The following DOCK2 variants were observed in gnomAD, a reference collection of about 807,000 sequenced individuals.
The protein encoded by DOCK2 is dedicator of cytokinesis 2, also known as dedicator of cytokinesis protein 2.
Under a neutral mutation model 248.9 loss-of-function variants are expected in DOCK2, and 87 were observed. The observed-to-expected ratio is 0.35, with a 90% CI of 0.29 to 0.42. The LOEUF is 0.42. Ranked by LOEUF, DOCK2 falls within the 10% of genes least tolerant of loss-of-function variation. DOCK2 has a pLI of 1.00. For missense variants in DOCK2, 1,747 were observed against 2,300.2 expected, an observed-to-expected ratio of 0.76 and a Z score of 4.92; for synonymous variants, 805 against 821.6, an observed-to-expected ratio of 0.98 and a Z score of 0.35.
At chr5:169,779,222 C>G (rs541948244) in intron 25 of DOCK2, 1 of 152,412 alleles carries the variant, frequency 6.6e-6, no homozygotes, top group South Asian at 2.1e-4. Flanking sequence ...GGAAGTGGCT[C>G]TTCTAAGGCT....
At chr5:169,980,785 C>T (rs774052875) in intron 27 of DOCK2, 1 of 152,180 alleles carries the variant, frequency 6.6e-6, no homozygotes, top group Non-Finnish European at 1.5e-5. Context: ...TAATTTCACA[C>T]ACTCACTACC....
chr5:169,844,509 G>A (rs906486998), intron 27 of DOCK2, among the ~76,000 whole-genome samples: 8 of 152,160 alleles, frequency 5.3e-5, no homozygotes, highest in South Asian at 2.1e-4. Flanking sequence ...GACAAGCAGC[G>A]GACATGCACT....
intron 33 of DOCK2, among the ~76,000 whole-genome samples, chr5:170,025,614 C>G (rs1465566154): frequency 6.6e-6 from 1 of 152,186 alleles, no homozygotes; most frequent in Non-Finnish European, 1.5e-5. Flanking sequence ...GAAGACATCT[C>G]TAAGCATGAT....
chr5:169,670,511 ATTTTGTTTTG>A (rs72367961), intron 3 of DOCK2, 21 bp from the exon 4 acceptor site: 337 of 1,605,612 alleles, frequency 2.1e-4, no homozygotes, highest in Admixed American at 6.8e-5. Context: ...TTTTTATTTT[ATTTTGTTTTG>A]TTTTGTTTTG....
chr5:169,720,880 A>T (rs1334867260), intron 22 of DOCK2, among the ~76,000 whole-genome samples: 1 of 152,080 alleles, frequency 6.6e-6, no homozygotes, highest in Non-Finnish European at 1.5e-5. Flanking sequence ...ACAGGCACGC[A>T]TCACCACACC....
chr5:169,858,734 G>T (rs1282509182), intron 27 of DOCK2, among the ~76,000 whole-genome samples: 4 of 152,232 alleles, frequency 2.6e-5, no homozygotes, highest in Non-Finnish European at 4.4e-5. Flanking sequence ...TGGGTACGGT[G>T]TCGTGCACCT....
chr5:169,944,622 A>T (rs1776374007), intron 27 of DOCK2, among the ~76,000 whole-genome samples: 1 of 152,236 alleles, frequency 6.6e-6, no homozygotes, highest in Admixed American at 6.5e-5. Context: ...TGGTTTCCTC[A>T]TCTGAGAAAT....
chr5:169,951,037 G>A (rs72828608), intron 27 of DOCK2, among the ~76,000 whole-genome samples: 2,246 of 152,266 alleles, frequency 0.015, 26 homozygotes, highest in South Asian at 0.05. Context: ...CAGCGTCACC[G>A]GTCCTGCATT....
At chr5:169,946,899 C>T (rs1022469654) in intron 27 of DOCK2, among the ~76,000 whole-genome samples, 1 of 152,122 alleles carries the variant, frequency 6.6e-6, no homozygotes, top group African/African-American at 2.4e-5. Flanking sequence ...TCTGGGGAGA[C>T]AGTGTTCCAG....
intron 26 of DOCK2, among the ~76,000 whole-genome samples, chr5:169,817,464 C>T (rs79134806): frequency 0.012 from 1,859 of 152,332 alleles, 40 homozygotes; most frequent in African/African-American, 0.042. Context: ...AAACTAACTT[C>T]GGACCTTATT....
chr5:169,952,112 T>C (rs1253561252), intron 27 of DOCK2, among the ~76,000 whole-genome samples: 2 of 152,232 alleles, frequency 1.3e-5, no homozygotes, highest in African/African-American at 4.8e-5. Context: ...ATAGAAGCTT[T>C]TCTTTGCCCC....
intron 27 of DOCK2, among the ~76,000 whole-genome samples, chr5:169,872,559 T>C (rs74729270): frequency 0.02 from 3,033 of 152,340 alleles, 103 homozygotes; most frequent in African/African-American, 0.07. Context: ...GGTTCTCTTC[T>C]TGGCATGTAT....
chr5:170,078,699 C>A (rs562430165), intron 48 of DOCK2, among the ~76,000 whole-genome samples: 1 of 152,356 alleles, frequency 6.6e-6, no homozygotes, highest in South Asian at 2.1e-4. Flanking sequence ...TTCAACCAGT[C>A]TTCTCTCCTC....
intron 25 of DOCK2, among the ~76,000 whole-genome samples, chr5:169,786,474 C>A (rs558063114): frequency 3.2e-4 from 48 of 152,196 alleles, no homozygotes; most frequent in Admixed American, 1.2e-3. Flanking sequence ...TGAAACCGAG[C>A]TGAAATGAGA....
In DOCK2 at chr5:169,670,526, G is replaced by A; in HGVS notation, c.169-16G>A. 2 of 1,612,714 alleles carry A rather than the reference G, an allele frequency of 1.2e-6. No homozygotes were observed. The highest frequency in any genetic ancestry group is 1.3e-5 in the African/African-American group (1 of 74,894). Reference sequence around the variant, plus strand: ...TTTTTATTTTATTTTGTTTTGTTTTGTTTTGTTTCCAACAGGGCATTTTTC... The same window carrying A: ...TTTTTATTTTATTTTGTTTTGTTTTATTTTGTTTCCAACAGGGCATTTTTC... On this transcript the variant is annotated splice_polypyrimidine_tract_variant and intron_variant, in intron 3 of 51. Coordinates refer to ENST00000520908, the MANE Select transcript of DOCK2 (RefSeq NM_004946.3).
intron 33 of DOCK2, among the ~76,000 whole-genome samples, chr5:170,020,445 CTAA>C (rs1755682300): frequency 6.6e-6 from 1 of 152,128 alleles, no homozygotes; most frequent in African/African-American, 2.4e-5. Flanking sequence ...TCATCTGCAT[CTAA>C]TGATGATGAT....
At chr5:169,865,946 G>A (rs994763067) in intron 27 of DOCK2, among the ~76,000 whole-genome samples, 5 of 152,236 alleles carry the variant, frequency 3.3e-5, no homozygotes, top group East Asian at 1.9e-4. Flanking sequence ...GCATGTTGCC[G>A]TTGCCATGCA....
chr5:169,820,286 A>G (rs1222538312), intron 26 of DOCK2, among the ~76,000 whole-genome samples: 4 of 152,194 alleles, frequency 2.6e-5, no homozygotes, highest in Admixed American at 2.0e-4. Context: ...TTCTCCCAGC[A>G]TGGAGTTTGA....
chr5:169,978,693 C>T (rs1251135571), intron 27 of DOCK2, among the ~76,000 whole-genome samples: 1 of 152,062 alleles, frequency 6.6e-6, no homozygotes, highest in African/African-American at 2.4e-5. Flanking sequence ...CAAGACCTCC[C>T]TACGTCCCGA....
Sources: gnomAD v4.1 joint callset for allele counts (sites outside exome capture counted in the v4.1 genomes callset) on GRCh38, gnomAD v4.1.1 for gene constraint, MANE v1.5 for transcripts, NCBI Gene and HGNC (gene_info 2026-07-23, HGNC 2026-07-21) for gene names.